Variants in TOX4 observed in about 807,000 individuals in gnomAD.
TOX4 encodes the protein epidermal Langerhans cell protein LCP1.
A neutral mutation model predicts 61.0 loss-of-function variants in TOX4; 12 were observed. The ratio of observed to expected loss-of-function variants is 0.20; its 90% CI spans 0.13 to 0.32. TOX4 has a LOEUF of 0.32. TOX4 is among the 10% of genes least tolerant of loss of function. The probability of loss-of-function intolerance (pLI) is 1.00; values close to 1 mark genes in which losing one functional copy is unlikely to be tolerated. For synonymous variants in TOX4, 268 were observed against 274.8 expected, an observed-to-expected ratio of 0.98 and a Z score of 0.24; for missense variants, 499 against 753.3, an observed-to-expected ratio of 0.66 and a Z score of 3.95.
At chr14:21,494,820 G>A (rs1321972007) in intron 7 of TOX4, among the ~76,000 whole-genome samples, 3 of 152,008 alleles carry the variant, frequency 2.0e-5, no homozygotes, top group Non-Finnish European at 4.4e-5. Context: ...TTGGGAGGCT[G>A]AGGCAGGAGA....
chr14:21,498,952 A>G lies in TOX4; in HGVS notation c.*2346A>G. The G allele has an allele frequency of 1.0e-6, 1 of 1,003,160 alleles. No homozygotes were observed. The highest frequency in any genetic ancestry group is 1.6e-6 in the Non-Finnish European group (1 of 632,422). 62.1% of individuals were successfully genotyped at this position (1,003,160 alleles called of 1,614,324 possible). ...TATGGACTAGTGTAAAACAATGTGA[A>G]GCTCTACTAAGTTCTGTCCTTAATC... On this transcript the variant is annotated 3_prime_UTR_variant, in exon 9 of 9. Coordinates refer to ENST00000448790, the MANE Select transcript of TOX4 (RefSeq NM_014828.4).
At chr14:21,483,698 A>C (rs1427163956) in intron 2 of TOX4, among the ~76,000 whole-genome samples, 3 of 151,878 alleles carry the variant, frequency 2.0e-5, no homozygotes, top group Non-Finnish European at 1.5e-5. Flanking sequence ...ACAACAACAA[A>C]ACAACATACA....
rs539579137 is a variant in TOX4, at chr14:21,490,938, G to A, written c.811-1358G>A. On this transcript the variant is annotated intron_variant, in intron 5 of 8. Coordinates refer to ENST00000448790, the MANE Select transcript of TOX4 (RefSeq NM_014828.4). The stretch of plus-strand genomic sequence containing the variant: ...CCTCCTGGGTTCAAGTGATTCTCCT[G>A]CCTCAGCCTCCCAAGTAGCTGGGAT... Among the ~76,000 whole-genome samples the A allele has an allele frequency of 2.1e-3, 317 of 152,340 alleles. 2 individuals carry two copies. The highest frequency in any genetic ancestry group is 6.8e-3 in the African/African-American group (282 of 41,590).
intron 6 of TOX4, 28 bp downstream of exon 6, chr14:21,492,404 T>G (rs764968003): frequency 1.2e-6 from 2 of 1,612,020 alleles, no homozygotes; most frequent in South Asian, 2.2e-5. Context: ...GAATGAATAT[T>G]TAAACCAGTA....
chr14:21,477,653 G>C, intron 2 of TOX4, 89 bp downstream of exon 2: 9 of 1,467,940 alleles, frequency 6.1e-6, no homozygotes, highest in South Asian at 1.2e-5. Flanking sequence ...CTCCGGGGAC[G>C]GGGGCTGGGA....
rs1043262884 is a variant in TOX4 at position 21,488,633 on chromosome 14, C to A, written c.362C>A (p.Pro121His). The change falls in exon 4 of 9, where the codon CCT becomes CAT. Residue 121 changes from proline to histidine, a missense_variant. By Grantham distance (77) the Pro-to-His change is moderately conservative. Coordinates refer to ENST00000448790, the MANE Select transcript of TOX4 (RefSeq NM_014828.4). Reference sequence around the variant, plus strand: ...GGAACTCAGTATAGTGCCAACCCACCTGTTACAATTGATGTACCAATGACA... The same window carrying A: ...GGAACTCAGTATAGTGCCAACCCACATGTTACAATTGATGTACCAATGACA... ...SIGTQYSANPPVTIDVPMTDM... is the reference protein window; with the variant it reads ...SIGTQYSANPHVTIDVPMTDM... 1.9e-6 allele frequency: 3 copies of A among 1,614,022 alleles called. No homozygotes were observed. The highest frequency in any genetic ancestry group is 1.6e-4 in the Middle Eastern group (1 of 6,084).
intron 5 of TOX4, 51 bp from the exon 6 acceptor site, chr14:21,492,245 C>G (rs1891305782): frequency 1.3e-6 from 2 of 1,504,406 alleles, no homozygotes; most frequent in Non-Finnish European, 1.8e-6. Context: ...ATCAGTCTTT[C>G]CTAAGAGTAT....
intron 2 of TOX4, 106 bp downstream of exon 2, chr14:21,477,670 G>C: frequency 2.4e-6 from 3 of 1,248,374 alleles, no homozygotes; most frequent in Non-Finnish European, 2.3e-6. Flanking sequence ...GGGAACCAAG[G>C]GCCGCAATTG....
chr14:21,490,385 G>A (rs562264124), intron 5 of TOX4, among the ~76,000 whole-genome samples: 25 of 152,250 alleles, frequency 1.6e-4, no homozygotes, highest in African/African-American at 6.0e-4. Context: ...TGAGGCAGGA[G>A]AATTGCTTGA....
At chr14:21,495,121 G>A in intron 7 of TOX4, 108 bp from the exon 8 acceptor site, 1 of 1,296,000 alleles carries the variant, frequency 7.7e-7, no homozygotes, top group Non-Finnish European at 1.1e-6. Context: ...CCCAGTGTGA[G>A]GAATTCTAAT....
At chr14:21,495,144 A>G in intron 7 of TOX4, 85 bp from the exon 8 acceptor site, 4 of 1,476,782 alleles carry the variant, frequency 2.7e-6, no homozygotes, top group Non-Finnish European at 3.7e-6. Flanking sequence ...CTGTTGCTTC[A>G]TTGGTTTCTA....
In TOX4 at chr14:21,494,980, G is replaced by GAA. The variant is rs34519531; in HGVS notation, c.1642-242_1642-241dup. Among the ~76,000 whole-genome samples, 1,218 of 151,372 alleles carry GAA rather than the reference G, an allele frequency of 8.0e-3. 7 individuals are homozygous for GAA. Among genetic ancestry groups the GAA allele is most frequent in the Non-Finnish European group, 0.012 (825 of 67,854 alleles). ...TGCTTGACTAGCCAGGCTTAACAGGGAAAAAAAAGCATTAGCACATGGCCA... is the reference window on the plus strand; with the variant it reads ...TGCTTGACTAGCCAGGCTTAACAGGGAAAAAAAAAAGCATTAGCACATGGCCA... On this transcript the variant is annotated intron_variant, in intron 7 of 8. Coordinates refer to ENST00000448790, the MANE Select transcript of TOX4 (RefSeq NM_014828.4).
Position 21,492,891 on chromosome 14 carries a change from GGCA to G in TOX4, c.1284_1286del (p.Ala434del), listed in dbSNP as rs760508401. On this transcript the variant is annotated inframe_deletion, in exon 7 of 9. Coordinates refer to ENST00000448790, the MANE Select transcript of TOX4 (RefSeq NM_014828.4). ...AGATTGTCACTCGGTCAGTGTTGCA[GGCA>G]GCAGCAGCTGCTGCTGCTGCTGCTT... The G allele has an allele frequency of 1.9e-6, 3 of 1,606,582 alleles. No homozygotes were observed. Among genetic ancestry groups the G allele is most frequent in the African/African-American group, 1.3e-5 (1 of 74,178 alleles).
chr14:21,493,362 C>T (rs888161626), intron 7 of TOX4, 105 bp downstream of exon 7: 1 of 1,310,788 alleles, frequency 7.6e-7, no homozygotes, highest in South Asian at 1.5e-5. Flanking sequence ...TGCCCAGCAA[C>T]CAGGAGCACA....
At chr14:21,488,378 C>T (rs1182005684) in intron 3 of TOX4, 1 of 554,486 alleles carries the variant, frequency 1.8e-6, no homozygotes, top group Non-Finnish European at 3.1e-6. Flanking sequence ...ATTTTTAGTT[C>T]TTCTTTTGAG....
intron 3 of TOX4, 177 bp downstream of exon 3, chr14:21,487,870 T>C (rs1393270878): frequency 1.6e-6 from 1 of 632,654 alleles, no homozygotes; most frequent in Non-Finnish European, 2.3e-6. Flanking sequence ...TGTAGGTAGA[T>C]TTTACTTGAA....
chr14:21,496,469 A>C, intron 8 of TOX4, 77 bp from the exon 9 acceptor site: 1 of 1,440,002 alleles, frequency 6.9e-7, no homozygotes, highest in Non-Finnish European at 9.7e-7. Context: ...CCGTCTCAAA[A>C]AAAAAAATGT....
chr14:21,498,876 A>T lies in TOX4; in HGVS notation c.*2270A>T, dbSNP rs991391061. 2.6e-5 allele frequency: 16 copies of T among 619,496 alleles called. No homozygotes were observed. Among genetic ancestry groups the T allele is most frequent in the Admixed American group, 5.8e-5 (2 of 34,378 alleles). 38.4% of individuals were successfully genotyped at this position (619,496 alleles called of 1,614,324 possible). A position where few individuals can be genotyped will look rare whatever the true frequency, so the allele number is the denominator to read the frequency against. On this transcript the variant is annotated 3_prime_UTR_variant, in exon 9 of 9. Transcript: ENST00000448790. ...TAATGAATATTTGTAGAATCTCATA[A>T]AACAGTTTAAATACAAGCTTAAGTG...
At chr14:21,492,430 G>A in intron 6 of TOX4, 54 bp downstream of exon 6, 1 of 1,609,546 alleles carries the variant, frequency 6.2e-7, no homozygotes. Context: ...TTTTTTGGAA[G>A]TGTTTGTTAG....
Sources: gnomAD v4.1 joint callset for allele counts (sites outside exome capture counted in the v4.1 genomes callset) on GRCh38, gnomAD v4.1.1 for gene constraint, MANE v1.5 for transcripts, NCBI Gene and HGNC (gene_info 2026-07-23, HGNC 2026-07-21) for gene names.